ARSJ: variants seen among roughly 807,000 people sequenced by gnomAD.
ARSJ encodes the protein arylsulfatase family member J.
Under a neutral mutation model 35.9 loss-of-function variants are expected in ARSJ, and 26 were observed. The ratio of observed to expected loss-of-function variants is 0.72; its 90% confidence interval spans 0.53 to 1.00. The LOEUF is 1.00. Among genes scored for constraint, ARSJ ranks in the 50% least tolerant of loss-of-function variants. The pLI is 0.00. For missense variants in ARSJ, 667 were observed against 723.6 expected, an observed-to-expected ratio of 0.92 and a Z score of 0.90; for synonymous variants, 294 against 267.6, an observed-to-expected ratio of 1.10 and a Z score of -0.96.
rs191499235 is a variant in ARSJ at position 113,930,352 on chromosome 4, C to A, written c.399-26677G>T. ...GGCTTGGAGGCTAGGCCAGTCTCAC[C>A]TTTTCACGTTTTTCTGCCTGCTTTA... On this transcript the variant is annotated intron_variant, in intron 1 of 1. Coordinates refer to ENST00000315366, the MANE Select transcript of ARSJ (RefSeq NM_024590.4). Among the ~76,000 whole-genome samples, 79 of 152,208 alleles carry A rather than the reference C, an allele frequency of 5.2e-4. 2 individuals are homozygous for A. The highest frequency in any genetic ancestry group is 1.6e-3 in the African/African-American group (66 of 41,560).
At chr4:113,928,013 T>G (rs1351620424) in intron 1 of ARSJ, among the ~76,000 whole-genome samples, 2 of 152,172 alleles carry the variant, frequency 1.3e-5, no homozygotes, top group East Asian at 3.9e-4. Context: ...ATGACAATTA[T>G]GCATTCTGGC....
chr4:113,920,867 C>T (rs1046946214), intron 1 of ARSJ, among the ~76,000 whole-genome samples: 1 of 152,064 alleles, frequency 6.6e-6, no homozygotes, highest in African/African-American at 2.4e-5. Flanking sequence ...CCAGAAATGT[C>T]ACATTCATAT....
At chr4:113,924,061 AT>A (rs1562345530) in intron 1 of ARSJ, among the ~76,000 whole-genome samples, 3 of 110,724 alleles carry the variant, frequency 2.7e-5, no homozygotes, top group African/African-American at 1.3e-4. Context: ...ATATAAATAT[AT>A]ATAAATATAT....
intron 1 of ARSJ, among the ~76,000 whole-genome samples, chr4:113,938,920 T>A (rs1724941432): frequency 6.6e-6 from 1 of 151,774 alleles, no homozygotes. Context: ...TATTTTTAAA[T>A]TATTATTATA....
At chr4:113,929,246 C>T (rs1340417629) in intron 1 of ARSJ, among the ~76,000 whole-genome samples, 1 of 152,122 alleles carries the variant, frequency 6.6e-6, no homozygotes. Context: ...AACCTCACCT[C>T]TAGGGGCCCA....
intron 1 of ARSJ, among the ~76,000 whole-genome samples, chr4:113,928,315 T>C (rs939582713): frequency 2.0e-5 from 3 of 152,144 alleles, no homozygotes; most frequent in Non-Finnish European, 4.4e-5. Flanking sequence ...GTCGGTAATA[T>C]AGTGGGGTCC....
chr4:113,963,690 A>T (rs183120093), intron 1 of ARSJ, among the ~76,000 whole-genome samples: 1 of 151,672 alleles, frequency 6.6e-6, no homozygotes, highest in Admixed American at 6.6e-5. Flanking sequence ...GAATGAATGG[A>T]TGAATGAATG....
intron 1 of ARSJ, among the ~76,000 whole-genome samples, chr4:113,956,974 G>A (rs1726221281): frequency 6.6e-6 from 1 of 152,076 alleles, no homozygotes; most frequent in Non-Finnish European, 1.5e-5. Context: ...AATGTGGGAA[G>A]AGACTGGTGG....
At chr4:113,914,286 T>C (rs1311968939) in intron 1 of ARSJ, among the ~76,000 whole-genome samples, 1 of 152,176 alleles carries the variant, frequency 6.6e-6, no homozygotes, top group Non-Finnish European at 1.5e-5. Flanking sequence ...ACCCTTTCAA[T>C]ATTTTGAAAA....
chr4:113,901,841 A>C lies in ARSJ; in HGVS notation c.*433T>G. Reference sequence around the variant, plus strand: ...TCTTTGACTGTAATTTATCAAAGGTAGTTTTAATCATGCTACCCTGTAACT... The same window carrying C: ...TCTTTGACTGTAATTTATCAAAGGTCGTTTTAATCATGCTACCCTGTAACT... On this transcript the variant is annotated 3_prime_UTR_variant, in exon 2 of 2. Transcript: ENST00000315366. 1 of 187,628 alleles carries C rather than the reference A, an allele frequency of 5.3e-6. No individual in the cohort carries two copies. The highest frequency in any genetic ancestry group is 1.1e-4 in the South Asian group (1 of 9,056). 11.6% of individuals were successfully genotyped at this position (187,628 alleles called of 1,614,324 possible). A position where few individuals can be genotyped will look rare whatever the true frequency, so the allele number is the denominator to read the frequency against.
chr4:113,929,119 A>G (rs1448063036), intron 1 of ARSJ, among the ~76,000 whole-genome samples: 2 of 152,128 alleles, frequency 1.3e-5, no homozygotes, highest in African/African-American at 2.4e-5. Flanking sequence ...TTCCATCATT[A>G]TCCAATACCC....
intron 1 of ARSJ, among the ~76,000 whole-genome samples, chr4:113,911,304 G>A (rs1387340917): frequency 1.3e-5 from 2 of 152,170 alleles, no homozygotes; most frequent in Admixed American, 6.6e-5. Flanking sequence ...AGAGGATAGA[G>A]CTGTACTAAG....
At chr4:113,904,199 G>A (rs781667686) in intron 1 of ARSJ, among the ~76,000 whole-genome samples, 21 of 152,054 alleles carry the variant, frequency 1.4e-4, no homozygotes, top group Non-Finnish European at 2.4e-4. Context: ...AAAGTGCTGC[G>A]ATTACAGGTG....
chr4:113,971,202 G>A (rs1450105276), intron 1 of ARSJ, among the ~76,000 whole-genome samples: 1 of 151,968 alleles, frequency 6.6e-6, no homozygotes, highest in Non-Finnish European at 1.5e-5. Flanking sequence ...ATTGCTATAA[G>A]AAAAAACTGA....
chr4:113,927,025 C>G (rs895275066), intron 1 of ARSJ, among the ~76,000 whole-genome samples: 11 of 152,136 alleles, frequency 7.2e-5, no homozygotes, highest in Non-Finnish European at 1.6e-4. Flanking sequence ...TGCACAGCAG[C>G]CTGGAGCTGT....
intron 1 of ARSJ, among the ~76,000 whole-genome samples, chr4:113,955,004 CTTT>C (rs771948398): frequency 1.4e-5 from 2 of 138,200 alleles, no homozygotes; most frequent in African/African-American, 2.6e-5. Context: ...TTTTTCTTTT[CTTT>C]TTTTTTTTTT....
intron 1 of ARSJ, among the ~76,000 whole-genome samples, chr4:113,973,940 G>T (rs538542601): frequency 6.6e-6 from 1 of 152,130 alleles, no homozygotes; most frequent in Admixed American, 6.5e-5. Flanking sequence ...ACAACAAATC[G>T]ATAGCGAAAA....
chr4:113,958,559 G>C (rs1298791427), intron 1 of ARSJ, among the ~76,000 whole-genome samples: 3 of 151,888 alleles, frequency 2.0e-5, no homozygotes, highest in Non-Finnish European at 4.4e-5. Context: ...TAAAGATCAG[G>C]CTCCTACATC....
At chr4:113,966,429 G>C (rs1441627454) in intron 1 of ARSJ, among the ~76,000 whole-genome samples, 1 of 152,136 alleles carries the variant, frequency 6.6e-6, no homozygotes, top group African/African-American at 2.4e-5. Context: ...GGGAGGCATG[G>C]GTCTTTTGAC....
Sources: gnomAD v4.1 joint callset for allele counts (sites outside exome capture counted in the v4.1 genomes callset) on GRCh38, gnomAD v4.1.1 for gene constraint, MANE v1.5 for transcripts, NCBI Gene and HGNC (gene_info 2026-07-23, HGNC 2026-07-21) for gene names.